The following SNTB1 variants were observed in gnomAD, a reference collection of about 807,000 sequenced individuals.
The protein encoded by SNTB1 is beta-1-syntrophin.
A neutral mutation model predicts 48.9 loss-of-function variants in SNTB1; 36 were observed. That is an observed-to-expected ratio of 0.74 (90% CI 0.56 to 0.97). The LOEUF (loss-of-function observed/expected upper bound fraction) is 0.97, where lower values mean the gene tolerates loss of function less well. SNTB1 is among the 50% of genes least tolerant of loss of function. SNTB1 has a pLI of 0.00. For synonymous variants in SNTB1, 299 were observed against 294.6 expected, an observed-to-expected ratio of 1.01 and a Z score of -0.15; for missense variants, 786 against 703.4, an observed-to-expected ratio of 1.12 and a Z score of -1.33.
At position 120,757,224 on chromosome 8, in the gene SNTB1, C is replaced by T. The variant is rs1423378710; in HGVS notation, c.571+54049G>A. On this transcript the variant is annotated intron_variant, in intron 1 of 6. Transcript: ENST00000517992. ...AATCAAAACAGATCTATCGGGTTTC[C>T]CAAACCTGTTTGCTGCTGAAAGGAC... 2.6e-5 allele frequency among the ~76,000 whole-genome samples: 4 copies of T among 152,090 alleles called. No individual in the cohort carries two copies. The East Asian group carries it at 7.7e-4, about 29-fold the overall frequency.
chr8:120,709,803 C>T (rs925994637), intron 1 of SNTB1, among the ~76,000 whole-genome samples: 1 of 151,948 alleles, frequency 6.6e-6, no homozygotes, highest in African/African-American at 2.4e-5. Flanking sequence ...CAACTTGCTA[C>T]AGTTCTCTAA....
intron 5 of SNTB1, among the ~76,000 whole-genome samples, chr8:120,544,349 T>C (rs1046475869): frequency 2.0e-5 from 3 of 152,192 alleles, no homozygotes; most frequent in African/African-American, 4.8e-5. Context: ...GAATCGGTTA[T>C]CTGAATATGT....
chr8:120,576,023 G>A (rs149512164), intron 3 of SNTB1, among the ~76,000 whole-genome samples: 24 of 152,182 alleles, frequency 1.6e-4, no homozygotes, highest in African/African-American at 5.8e-4. Flanking sequence ...ATGGGCCCTA[G>A]GATACATCTT....
At chr8:120,811,239 G>A in intron 1 of SNTB1, 34 bp downstream of exon 1, 4 of 1,548,046 alleles carry the variant, frequency 2.6e-6, no homozygotes, top group Middle Eastern at 1.8e-4. Context: ...GTGTGTGCGC[G>A]CCCGGCGCGG....
chr8:120,781,731 C>T (rs1275942139), intron 1 of SNTB1, among the ~76,000 whole-genome samples: 1 of 152,114 alleles, frequency 6.6e-6, no homozygotes, highest in Non-Finnish European at 1.5e-5. Context: ...TCAGATGATT[C>T]TATAGGTCCT....
chr8:120,646,129 C>A (rs1817293418), intron 2 of SNTB1, among the ~76,000 whole-genome samples: 1 of 141,950 alleles, frequency 7.0e-6, no homozygotes, highest in Non-Finnish European at 1.5e-5. Flanking sequence ...ATTTGACTTC[C>A]TCTTTTCCTA....
At position 120,663,549 on chromosome 8, in the gene SNTB1, C is replaced by T. The variant is rs534467504; in HGVS notation, c.788+30143G>A. Among the ~76,000 whole-genome samples, 13 of 152,198 alleles carry T rather than the reference C, an allele frequency of 8.5e-5. No homozygotes were observed. The South Asian group carries it at 1.2e-3, about 15-fold the overall frequency. On this transcript the variant is annotated intron_variant, in intron 2 of 6. Transcript: ENST00000517992. The stretch of plus-strand genomic sequence containing the variant: ...CTCGAACTCCTGACCTCAAGTGATC[C>T]GCCTGCCTCGGCCTCCCAAAGTGCT...
intron 3 of SNTB1, among the ~76,000 whole-genome samples, chr8:120,596,209 C>G (rs963550678): frequency 6.6e-6 from 1 of 152,186 alleles, no homozygotes; most frequent in Non-Finnish European, 1.5e-5. Flanking sequence ...TCCAGTGTCT[C>G]TCTACATAAC....
chr8:120,704,058 T>C (rs1425624451), intron 1 of SNTB1, among the ~76,000 whole-genome samples: 1 of 152,212 alleles, frequency 6.6e-6, no homozygotes, highest in East Asian at 1.9e-4. Flanking sequence ...TTTACCATGC[T>C]TTTTTCTTGC....
rs116007525 is a variant in SNTB1, at chr8:120,545,672, A to T, written c.1333+3090T>A. ...CCGTACAACAGGGCTTTCTACTGTGATGGAAATGTTCTAGATCTGTACTGT... is the reference window on the plus strand; with the variant it reads ...CCGTACAACAGGGCTTTCTACTGTGTTGGAAATGTTCTAGATCTGTACTGT... On this transcript the variant is annotated intron_variant, in intron 5 of 6. Coordinates refer to ENST00000517992, the MANE Select transcript of SNTB1 (RefSeq NM_021021.4). Among the ~76,000 whole-genome samples the T allele has an allele frequency of 5.1e-3, 777 of 152,352 alleles. 8 individuals carry two copies. The highest frequency in any genetic ancestry group is 0.018 in the African/African-American group (736 of 41,584).
intron 2 of SNTB1, among the ~76,000 whole-genome samples, chr8:120,648,801 C>A (rs895550744): frequency 2.0e-5 from 3 of 152,238 alleles, no homozygotes; most frequent in African/African-American, 7.2e-5. Context: ...CTTTCAGGTA[C>A]ACCAATCAGA....
At chr8:120,781,033 G>C (rs1011420837) in intron 1 of SNTB1, among the ~76,000 whole-genome samples, 1 of 152,098 alleles carries the variant, frequency 6.6e-6, no homozygotes, top group Non-Finnish European at 1.5e-5. Context: ...CTAATCCCTG[G>C]TTTCCTTAGA....
chr8:120,632,787 T>G, intron 2 of SNTB1, 136 bp from the exon 3 acceptor site: 1 of 696,356 alleles, frequency 1.4e-6, no homozygotes, highest in Non-Finnish European at 2.4e-6. Context: ...GCCTTAACAG[T>G]CCCGCCATCC....
chr8:120,810,301 G>A (rs1820402811), intron 1 of SNTB1, among the ~76,000 whole-genome samples: 1 of 152,216 alleles, frequency 6.6e-6, no homozygotes, highest in South Asian at 2.1e-4. Flanking sequence ...AAATGCAGCT[G>A]TAGGCAGACA....
intron 1 of SNTB1, among the ~76,000 whole-genome samples, chr8:120,780,791 T>C (rs1819819439): frequency 6.6e-6 from 1 of 152,244 alleles, no homozygotes; most frequent in African/African-American, 2.4e-5. Flanking sequence ...ACCTGTTAAC[T>C]ATCTCTTAAT....
chr8:120,776,107 T>C (rs750545242), intron 1 of SNTB1, among the ~76,000 whole-genome samples: 3 of 152,216 alleles, frequency 2.0e-5, no homozygotes, highest in Non-Finnish European at 4.4e-5. Context: ...CAAAGGATTA[T>C]AAATCATGCT....
chr8:120,599,496 T>G (rs984425705), intron 3 of SNTB1, among the ~76,000 whole-genome samples: 1 of 152,186 alleles, frequency 6.6e-6, no homozygotes, highest in Non-Finnish European at 1.5e-5. Context: ...TCAAAATAAA[T>G]CTGAAGAATT....
intron 1 of SNTB1, among the ~76,000 whole-genome samples, chr8:120,802,802 T>C (rs1411303876): frequency 6.6e-6 from 1 of 152,100 alleles, no homozygotes; most frequent in Non-Finnish European, 1.5e-5. Context: ...GGGCAATGAG[T>C]TAACTGTTTT....
chr8:120,725,180 G>A (rs867184535), intron 1 of SNTB1, among the ~76,000 whole-genome samples: 1 of 152,294 alleles, frequency 6.6e-6, no homozygotes, highest in South Asian at 2.1e-4. Flanking sequence ...GAGGTGAGGG[G>A]TTGTTGGATA....
Sources: allele counts gnomAD v4.1 joint callset (sites outside exome capture counted in the v4.1 genomes callset), GRCh38; gene constraint gnomAD v4.1.1; transcripts MANE v1.5; gene names NCBI Gene and HGNC (gene_info 2026-07-23, HGNC 2026-07-21).